ROS1: variants seen among roughly 807,000 people sequenced by gnomAD.
ROS1 encodes the protein proto-oncogene tyrosine-protein kinase ROS.
In ROS1, 263 loss-of-function variants were observed where a neutral mutation model predicts 273.5. That is an observed-to-expected ratio of 0.96 (90% CI 0.87 to 1.06). The LOEUF (loss-of-function observed/expected upper bound fraction) is 1.06. ROS1 is among the 50% of genes least tolerant of loss of function. The pLI, the probability that ROS1 is intolerant of heterozygous loss-of-function variation, is 0.00. For missense variants in ROS1, 2,833 were observed against 2,751.1 expected, an observed-to-expected ratio of 1.03 and a Z score of -0.67; for synonymous variants, 1,008 against 954.1, an observed-to-expected ratio of 1.06 and a Z score of -1.04.
rs142501753 is a variant in ROS1, at chr6:117,397,022, A to G, written c.699T>C (p.Pro233=). The G allele has an allele frequency of 6.2e-7, 1 of 1,613,790 alleles. No homozygotes were observed. Among genetic ancestry groups the G allele is most frequent in the African/African-American group, 1.3e-5 (1 of 75,044 alleles). ...TCAGCCTTAAGTTATAACCCAAAAT[A>G]GGTCCACCTGGGAATTGAGGTGGAT... ...SWDPPQFPGG[P]ILGYNLRLIS... Residue 233 remains proline, a synonymous_variant, in exon 8 of 44, where the codon CCT becomes CCC. Coordinates refer to ENST00000368507, the MANE Select transcript of ROS1 (RefSeq NM_001378902.1).
intron 21 of ROS1, 88 bp downstream of exon 21, chr6:117,364,972 T>G: frequency 7.5e-7 from 1 of 1,334,000 alleles, no homozygotes; most frequent in East Asian, 2.3e-5. Context: ...AAACTGAAAG[T>G]TATTTTTAAA....
At chr6:117,365,991 C>CTTAAGAATTAAGTT in intron 19 of ROS1, 85 bp downstream of exon 19, 2 of 1,231,972 alleles carry the variant, frequency 1.6e-6, no homozygotes, top group Non-Finnish European at 2.3e-6. Context: ...AAACTTAATT[C>CTTAAGAATTAAGTT]TTAAGAAAAA....
intron 8 of ROS1, 44 bp from the exon 9 acceptor site, chr6:117,396,308 G>A (rs1454559775): frequency 7.7e-7 from 1 of 1,301,926 alleles, no homozygotes; most frequent in Non-Finnish European, 1.1e-6. Context: ...ACATGGCATG[G>A]TGTGAACATG....
At chr6:117,318,138 C>T (rs3777966) in intron 38 of ROS1, 50 bp downstream of exon 38, 34,510 of 1,360,394 alleles carry the variant, frequency 0.025, 710 homozygotes, top group African/African-American at 0.092. Context: ...ATAAGTCAAG[C>T]GGACTTAAAA....
chr6:117,318,434 T>C (rs1355949629), intron 37 of ROS1, among the ~76,000 whole-genome samples, 182 bp from the exon 38 acceptor site: 3 of 152,256 alleles, frequency 2.0e-5, no homozygotes, highest in Middle Eastern at 3.4e-3. Flanking sequence ...TTATTGCTAG[T>C]AGAAGAATAT....
intron 34 of ROS1, among the ~76,000 whole-genome samples, chr6:117,325,286 GA>G (rs1448379521): frequency 6.6e-6 from 1 of 152,120 alleles, no homozygotes; most frequent in East Asian, 1.9e-4. Flanking sequence ...TCAATTGGCA[GA>G]AAATAAATAA....
chr6:117,334,053 T>G (rs1259442032), intron 32 of ROS1, among the ~76,000 whole-genome samples: 1 of 152,146 alleles, frequency 6.6e-6, no homozygotes, highest in Non-Finnish European at 1.5e-5. Context: ...GGAAGTCAAG[T>G]TGTCTCTGTT....
At chr6:117,370,265 A>G (rs1780661653) in intron 18 of ROS1, among the ~76,000 whole-genome samples, 1 of 152,224 alleles carries the variant, frequency 6.6e-6, no homozygotes, top group Admixed American at 6.5e-5. Context: ...TCAATTGCAG[A>G]GCACTGACAC....
At position 117,287,917 on chromosome 6, in the gene ROS1, CAAAAA is replaced by C. The variant is rs3086754; in HGVS notation, c.*570_*574del. 1.5e-5 allele frequency among the ~76,000 whole-genome samples: 2 copies of C among 129,588 alleles called. No individual in the cohort carries two copies. Among genetic ancestry groups the C allele is most frequent in the African/African-American group, 2.8e-5 (1 of 36,254 alleles). 85.0% of individuals were successfully genotyped at this position (129,588 alleles called of 152,430 possible). ...TGGGCAACAGAGCAAGACTTCGTCTCAAAAAAAAAAAAAAAAAATTAAAAAAAGAT... is the reference window on the plus strand; with the variant it reads ...TGGGCAACAGAGCAAGACTTCGTCTCAAAAAAAAAAAAATTAAAAAAAGAT... On this transcript the variant is annotated 3_prime_UTR_variant, in exon 44 of 44. Coordinates refer to ENST00000368507, the MANE Select transcript of ROS1 (RefSeq NM_001378902.1).
At chr6:117,397,191 G>C in intron 7 of ROS1, 75 bp from the exon 8 acceptor site, 1 of 1,000,182 alleles carries the variant, frequency 1.0e-6, no homozygotes, top group Non-Finnish European at 1.5e-6. Context: ...ATGGAAAAAA[G>C]TCTTGTTTTT....
intron 27 of ROS1, among the ~76,000 whole-genome samples, chr6:117,350,919 T>C (rs1279204578): frequency 1.3e-5 from 2 of 152,172 alleles, no homozygotes; most frequent in African/African-American, 2.4e-5. Flanking sequence ...TTAGAGCCCC[T>C]AGCATATTAA....
chr6:117,373,449 C>T (rs930771861), intron 18 of ROS1, among the ~76,000 whole-genome samples: 12 of 152,352 alleles, frequency 7.9e-5, no homozygotes, highest in East Asian at 1.9e-4. Context: ...CGCTGAGGCC[C>T]GGCGAGAATT....
chr6:117,329,156 A>G (rs1776866833), intron 33 of ROS1, among the ~76,000 whole-genome samples, 173 bp downstream of exon 33: 1 of 152,262 alleles, frequency 6.6e-6, no homozygotes, highest in Non-Finnish European at 1.5e-5. Context: ...TTAGCATGCC[A>G]AGACCAACGT....
intron 43 of ROS1, among the ~76,000 whole-genome samples, chr6:117,300,345 T>C (rs1774621114): frequency 6.6e-6 from 1 of 151,794 alleles, no homozygotes; most frequent in South Asian, 2.1e-4. Context: ...ATAGCAAAAT[T>C]ACTCATCAGA....
intron 32 of ROS1, among the ~76,000 whole-genome samples, chr6:117,329,675 ATT>A (rs1034510514): frequency 3.9e-5 from 6 of 152,076 alleles, no homozygotes; most frequent in Non-Finnish European, 8.8e-5. Flanking sequence ...GCTCATCAAA[ATT>A]GACTAGAAGG....
rs367819999 is a variant in ROS1, at chr6:117,379,902, T to C, written c.2482-743A>G. Among the ~76,000 whole-genome samples the C allele has an allele frequency of 5.9e-5, 9 of 152,144 alleles. No homozygotes were observed. In the East Asian group the frequency reaches 1.7e-3, roughly 29 times the overall value. ...GTGTATATAAAGCCCTATTTCCAGA[T>C]GACATATGAGAACCACTTCTTACTA... On this transcript the variant is annotated intron_variant, in intron 17 of 43. Transcript: ENST00000368507.
intron 43 of ROS1, among the ~76,000 whole-genome samples, chr6:117,297,298 A>G (rs1445964565): frequency 1.3e-5 from 2 of 152,174 alleles, no homozygotes; most frequent in African/African-American, 4.8e-5. Context: ...TCTTCTGGAT[A>G]TTGATCTAGG....
At chr6:117,294,817 A>G (rs1051272516) in intron 43 of ROS1, among the ~76,000 whole-genome samples, 1 of 152,196 alleles carries the variant, frequency 6.6e-6, no homozygotes, top group Admixed American at 6.5e-5. Context: ...TAGGAGGCAC[A>G]AACAAATGGA....
In ROS1 at chr6:117,389,417, A is replaced by T. The variant is rs1772864493; in HGVS notation, c.1719T>A (p.Leu573=). ...CCTGGTGAGAGCCAAACAGCACCGAAAGCTCCTGCGGGCGGCCTGGCAGAG... is the reference window on the plus strand; with the variant it reads ...CCTGGTGAGAGCCAAACAGCACCGATAGCTCCTGCGGGCGGCCTGGCAGAG... ...LHPLPGRPQE[L]SVLFGSHQAL... Residue 573 remains leucine (L), a synonymous_variant, in exon 13 of 44, where the codon CTT becomes CTA. Transcript: ENST00000368507. 2 of 1,614,050 alleles carry T rather than the reference A, an allele frequency of 1.2e-6. No individual in the cohort carries two copies. Among genetic ancestry groups the T allele is most frequent in the Admixed American group, 3.3e-5 (2 of 59,998 alleles).
Sources: gnomAD v4.1 joint callset for allele counts (sites outside exome capture counted in the v4.1 genomes callset) on GRCh38, gnomAD v4.1.1 for gene constraint, MANE v1.5 for transcripts, NCBI Gene and HGNC (gene_info 2026-07-23, HGNC 2026-07-21) for gene names.